Variants in EFCAB6 observed in about 807,000 individuals in gnomAD.
EFCAB6 encodes EF-hand calcium-binding domain-containing protein 6.
Under a neutral mutation model 169.8 loss-of-function variants are expected in EFCAB6, and 156 were observed. The ratio of observed to expected loss-of-function variants is 0.92; its 90% CI spans 0.81 to 1.05. The LOEUF is 1.05. Ranked by LOEUF, EFCAB6 falls within the 50% of genes least tolerant of loss-of-function variation. The pLI is 0.00. For missense variants in EFCAB6, 1,800 were observed against 1,829.1 expected, an observed-to-expected ratio of 0.98 and a Z score of 0.29; for synonymous variants, 698 against 676.4, an observed-to-expected ratio of 1.03 and a Z score of -0.50.
intron 22 of EFCAB6, among the ~76,000 whole-genome samples, chr22:43,606,427 A>C (rs2147602328): frequency 6.6e-6 from 1 of 152,300 alleles, no homozygotes; most frequent in East Asian, 1.9e-4. Context: ...TGGGTGAACA[A>C]ATGAAGAAAG....
intron 6 of EFCAB6, among the ~76,000 whole-genome samples, chr22:43,750,520 A>G (rs1276490749): frequency 6.6e-6 from 1 of 152,202 alleles, no homozygotes; most frequent in Non-Finnish European, 1.5e-5. Context: ...ACCTGCTACA[A>G]TAGGCAATTA....
chr22:43,701,331 G>T (rs1220820099), intron 10 of EFCAB6, among the ~76,000 whole-genome samples: 1 of 152,156 alleles, frequency 6.6e-6, no homozygotes, highest in East Asian at 1.9e-4. Context: ...CTTCTTAGGA[G>T]ATGACATTAT....
chr22:43,599,547 A>AG (rs2052334023), intron 23 of EFCAB6, among the ~76,000 whole-genome samples: 4 of 134,076 alleles, frequency 3.0e-5, no homozygotes, highest in African/African-American at 8.3e-5. Context: ...AAAAAAAAAA[A>AG]AAGACACACT....
At position 43,702,609 on chromosome 22, in the gene EFCAB6, T is replaced by C. The variant is rs78364125; in HGVS notation, c.1031+8866A>G. Among the ~76,000 whole-genome samples the C allele has an allele frequency of 1.6e-3, 248 of 152,206 alleles. 1 individual carries two copies. The highest frequency in any genetic ancestry group is 5.4e-3 in the African/African-American group (225 of 41,532). On this transcript the variant is annotated intron_variant, in intron 10 of 31. Coordinates refer to ENST00000262726, the MANE Select transcript of EFCAB6 (RefSeq NM_022785.4). ...TCCAAGATGCTTCCCAGGAAGCCCATTCCCATCTCACCTCAAAGGCAACAC... is the reference window on the plus strand; with the variant it reads ...TCCAAGATGCTTCCCAGGAAGCCCACTCCCATCTCACCTCAAAGGCAACAC...
chr22:43,656,963 C>T (rs144511813), intron 17 of EFCAB6, among the ~76,000 whole-genome samples: 13 of 152,306 alleles, frequency 8.5e-5, no homozygotes, highest in African/African-American at 3.1e-4. Context: ...TGGCAGAGAA[C>T]ACACGTTCTT....
intron 10 of EFCAB6, 60 bp downstream of exon 10, chr22:43,711,415 C>T (rs1425881900): frequency 1.4e-6 from 2 of 1,467,660 alleles, no homozygotes; most frequent in African/African-American, 2.9e-5. Context: ...CGAAGCTGTG[C>T]CTTATTCTTA....
Position 43,641,709 on chromosome 22 carries a change from G to C in EFCAB6, c.1984-6493C>G, listed in dbSNP as rs878904440. Among the ~76,000 whole-genome samples, 4 of 152,106 alleles carry C rather than the reference G, an allele frequency of 2.6e-5. 1 individual carries two copies. The highest frequency in any genetic ancestry group is 2.6e-4 in the Admixed American group (4 of 15,270). ...CCAGGAGGAAAGGGAGACAGGACAG[G>C]GACTGTGAGGTGCCAGCTCCTCAAC... is the stretch of plus-strand genomic sequence containing the variant. On this transcript the variant is annotated intron_variant, in intron 17 of 31. Transcript: ENST00000262726.
At chr22:43,787,370 A>G (rs1053416136) in intron 2 of EFCAB6, among the ~76,000 whole-genome samples, 1 of 151,968 alleles carries the variant, frequency 6.6e-6, no homozygotes, top group Non-Finnish European at 1.5e-5. Context: ...ACACACACAC[A>G]CACACACACA....
intron 16 of EFCAB6, 127 bp from the exon 17 acceptor site, chr22:43,667,399 G>T: frequency 8.2e-7 from 1 of 1,223,296 alleles, no homozygotes; most frequent in Non-Finnish European, 1.1e-6. Flanking sequence ...TTCACTAGCT[G>T]GGAAGGGTGG....
intron 3 of EFCAB6, among the ~76,000 whole-genome samples, chr22:43,776,201 C>A (rs9614272): frequency 0.34 from 51,519 of 152,066 alleles, 9,682 homozygotes; most frequent in African/African-American, 0.49. Flanking sequence ...TGGGAACCAC[C>A]TGCATGGAGG....
intron 10 of EFCAB6, among the ~76,000 whole-genome samples, chr22:43,690,097 T>C (rs2058350400): frequency 6.6e-6 from 1 of 152,156 alleles, no homozygotes; most frequent in African/African-American, 2.4e-5. Flanking sequence ...TCCACATATA[T>C]ACCAAGCTTC....
chr22:43,685,906 G>A (rs1603210914), intron 11 of EFCAB6, among the ~76,000 whole-genome samples: 1 of 152,052 alleles, frequency 6.6e-6, no homozygotes, highest in East Asian at 1.9e-4. Flanking sequence ...GTGTAAAGTG[G>A]CCTCTGAAGT....
chr22:43,759,001 T>A (rs1431141667), intron 5 of EFCAB6, among the ~76,000 whole-genome samples: 1 of 152,202 alleles, frequency 6.6e-6, no homozygotes, highest in East Asian at 1.9e-4. Context: ...GACTGGCGGA[T>A]CACCTGAGGT....
chr22:43,810,102 C>T (rs1003372359), intron 1 of EFCAB6, among the ~76,000 whole-genome samples: 4 of 152,148 alleles, frequency 2.6e-5, no homozygotes, highest in African/African-American at 4.8e-5. Context: ...TGGTCTCGAA[C>T]TCCTGGCCTC....
At chr22:43,733,728 A>C (rs1047364959) in intron 7 of EFCAB6, among the ~76,000 whole-genome samples, 37 of 151,786 alleles carry the variant, frequency 2.4e-4, no homozygotes, top group Admixed American at 7.2e-4. Flanking sequence ...TTTTTTCTTT[A>C]AGATGGAGTC....
At chr22:43,616,820 C>T (rs1030601942) in intron 20 of EFCAB6, among the ~76,000 whole-genome samples, 1 of 152,202 alleles carries the variant, frequency 6.6e-6, no homozygotes, top group Non-Finnish European at 1.5e-5. Context: ...TTTCCACGCA[C>T]TAGAACAAAT....
At position 43,782,392 on chromosome 22, in the gene EFCAB6, CT is replaced by C. The variant is rs139504136; in HGVS notation, c.-7-68del. The C allele has an allele frequency of 3.4e-3, 4,796 of 1,392,298 alleles. 121 individuals carry two copies. In the African/African-American group the frequency reaches 0.063, roughly 18 times the overall value. 86.2% of individuals were successfully genotyped at this position (1,392,298 alleles called of 1,614,324 possible). ...ATACATTCCAAATGTGGCCAATTTC[CT>C]ATCTATTCCTTTTCTGAAGGGACAG... On this transcript the variant is annotated intron_variant, in intron 2 of 31. Transcript: ENST00000262726.
chr22:43,609,829 GA>G (rs1202210449), intron 21 of EFCAB6, among the ~76,000 whole-genome samples: 1 of 152,222 alleles, frequency 6.6e-6, no homozygotes, highest in African/African-American at 2.4e-5. Context: ...CGACAACAAA[GA>G]TGTGATGTAG....
chr22:43,715,348 C>T (rs1284981419), intron 9 of EFCAB6, among the ~76,000 whole-genome samples: 1 of 152,124 alleles, frequency 6.6e-6, no homozygotes, highest in Non-Finnish European at 1.5e-5. Flanking sequence ...CTATTCATGC[C>T]TCAGTGTCCT....
Sources: gnomAD v4.1 joint callset for allele counts (sites outside exome capture counted in the v4.1 genomes callset) on GRCh38, gnomAD v4.1.1 for gene constraint, MANE v1.5 for transcripts, NCBI Gene and HGNC (gene_info 2026-07-23, HGNC 2026-07-21) for gene names.